XPA: variants seen among roughly 807,000 people sequenced by gnomAD.
XPA encodes DNA repair protein complementing XP-A cells.
A neutral mutation model predicts 35.7 loss-of-function variants in XPA; 27 were observed. The ratio of observed to expected loss-of-function variants is 0.76; its 90% confidence interval spans 0.56 to 1.04. The LOEUF (loss-of-function observed/expected upper bound fraction) is 1.04. Among genes scored for constraint, XPA ranks in the 50% least tolerant of loss-of-function variants. XPA has a pLI of 0.00. For synonymous variants in XPA, 133 were observed against 118.4 expected (o/e 1.12, Z -0.80); for missense variants, 354 against 342.7 (o/e 1.03, Z -0.26).
rs763295621 is a variant in XPA, at chr9:97,684,976, C to T, written c.620G>A (p.Arg207Gln). 2.2e-5 allele frequency: 35 copies of T among 1,613,292 alleles called. No homozygotes were observed. Among genetic ancestry groups the T allele is most frequent in the Non-Finnish European group, 2.7e-5 (32 of 1,179,684 alleles). Reference sequence around the variant, plus strand: ...TTTCATTTTTTCTCGGTTTTCCTGTCGGACTTCCTTTGCTTCTTCTAATGC... The same window carrying T: ...TTTCATTTTTTCTCGGTTTTCCTGTTGGACTTCCTTTGCTTCTTCTAATGC... Reference protein sequence around the residue: ...QEALEEAKEVRQENREKMKQK... With the variant: ...QEALEEAKEVQQENREKMKQK... Residue 207 changes from arginine to glutamine, a missense_variant, in exon 5 of 6, where the codon CGA becomes CAA. Physicochemically the swap from Arg to Gln is conservative, Grantham distance 43. Transcript: ENST00000375128.
chr9:97,669,624 T>G, the XPA span: 1 of 1,612,564 alleles, frequency 6.2e-7, no homozygotes, highest in Non-Finnish European at 8.5e-7. Context: ...GAGCACCTAG[T>G]ACGATGCGAA....
intron 5 of XPA, chr9:97,675,894 C>T (rs540229876): frequency 6.4e-5 from 25 of 388,696 alleles, no homozygotes; most frequent in African/African-American, 4.5e-4. Flanking sequence ...TTGAGTAACA[C>T]AATAGGACAC....
intron 4 of XPA, among the ~76,000 whole-genome samples, chr9:97,686,747 TA>T (rs1828728086): frequency 6.6e-6 from 1 of 151,778 alleles, no homozygotes. Context: ...GGCAATATGG[TA>T]AAACCCCATC....
At chr9:97,678,006 A>C (rs148156876) in intron 5 of XPA, among the ~76,000 whole-genome samples, 2 of 152,204 alleles carry the variant, frequency 1.3e-5, no homozygotes, top group African/African-American at 2.4e-5. Flanking sequence ...TTAAAACTGG[A>C]TGTATCAGTG....
At chr9:97,669,969 C>T, downstream of XPA, 1 of 480,804 alleles carries the variant, frequency 2.1e-6, no homozygotes, top group Non-Finnish European at 3.8e-6. Flanking sequence ...GTTGCCCAGG[C>T]TGGAGTTCAG....
chr9:97,685,070 TTG>T, intron 4 of XPA, 30 bp from the exon 5 acceptor site: 1 of 1,592,672 alleles, frequency 6.3e-7, no homozygotes, highest in East Asian at 2.2e-5. Context: ...TTTAAATAAG[TTG>T]TGATTCAGAC....
At chr9:97,664,289 ATGTG>A in the XPA span, 11 of 1,117,866 alleles carry the variant, frequency 9.8e-6, 1 homozygote, top group Middle Eastern at 1.0e-3. Flanking sequence ...GCACATATAT[ATGTG>A]TGTGTATGTG....
chr9:97,683,376 T>A (rs1828604617), intron 5 of XPA, among the ~76,000 whole-genome samples: 2 of 152,178 alleles, frequency 1.3e-5, no homozygotes. Context: ...ATCCTCTCAA[T>A]ACAGCAGTGG....
At chr9:97,689,012 A>AT (rs1828802864) in intron 3 of XPA, among the ~76,000 whole-genome samples, 1 of 152,196 alleles carries the variant, frequency 6.6e-6, no homozygotes, top group Non-Finnish European at 1.5e-5. Context: ...TCTGGGTGAT[A>AT]TAAAAAAAAA....
the XPA span, among the ~76,000 whole-genome samples, chr9:97,659,322 T>C: frequency 2.6e-5 from 4 of 152,316 alleles, no homozygotes; most frequent in East Asian, 7.7e-4. Flanking sequence ...TCTTTGCAGA[T>C]TACACTTAAC....
the XPA span, chr9:97,663,152 G>A: frequency 1.2e-6 from 1 of 848,526 alleles, no homozygotes; most frequent in Admixed American, 2.6e-5. Context: ...ATTTGACTCT[G>A]CCTAGATAAT....
At position 97,675,391 on chromosome 9, in the gene XPA, CTTTA is replaced by C; in HGVS notation, c.*44_*47del. 1 of 1,549,564 alleles carries C rather than the reference CTTTA, an allele frequency of 6.5e-7. No individual in the cohort carries two copies. Among genetic ancestry groups the C allele is most frequent in the Non-Finnish European group, 8.7e-7 (1 of 1,150,624 alleles). ...TTTGAAAAGGACCAATCTAAATTTC[CTTTA>C]TTTAAATATAAAATTCTATAAAACA... On this transcript the variant is annotated 3_prime_UTR_variant, in exon 6 of 6. Transcript: ENST00000375128.
At chr9:97,689,744 T>A in intron 2 of XPA, 105 bp from the exon 3 acceptor site, 1 of 623,926 alleles carries the variant, frequency 1.6e-6, no homozygotes, top group Admixed American at 3.2e-5. Context: ...CTGACATAAA[T>A]ACATTTAAGT....
the XPA span, among the ~76,000 whole-genome samples, chr9:97,662,421 G>T: frequency 6.6e-6 from 1 of 152,182 alleles, no homozygotes; most frequent in Non-Finnish European, 1.5e-5. Flanking sequence ...GTCATATGCA[G>T]TTGGAAGTTC....
At chr9:97,667,233 T>G in the XPA span, among the ~76,000 whole-genome samples, 1 of 152,192 alleles carries the variant, frequency 6.6e-6, no homozygotes, top group Non-Finnish European at 1.5e-5. Context: ...CTATAGATAC[T>G]TAACACTTTC....
chr9:97,675,809 C>G (rs1587736469), intron 5 of XPA: 2 of 590,846 alleles, frequency 3.4e-6, no homozygotes, highest in Admixed American at 2.9e-5. Context: ...GTCACTGGAG[C>G]AGTGTGAAAC....
chr9:97,680,490 TG>T (rs1271977259), intron 5 of XPA, among the ~76,000 whole-genome samples: 6 of 152,170 alleles, frequency 3.9e-5, no homozygotes, highest in Non-Finnish European at 8.8e-5. Flanking sequence ...ATTACAGAAG[TG>T]TTGGGATTAC....
chr9:97,668,863 C>T, the XPA span: 3 of 1,612,720 alleles, frequency 1.9e-6, no homozygotes, highest in Non-Finnish European at 2.5e-6. Context: ...ATGATGACGA[C>T]AGAAGCAGTG....
At chr9:97,660,574 G>T in the XPA span, among the ~76,000 whole-genome samples, 1 of 152,210 alleles carries the variant, frequency 6.6e-6, no homozygotes, top group Non-Finnish European at 1.5e-5. Flanking sequence ...TGAAAGAGAA[G>T]TACGTTGGTT....
Sources: gnomAD v4.1 joint callset for allele counts (sites outside exome capture counted in the v4.1 genomes callset) on GRCh38, gnomAD v4.1.1 for gene constraint, MANE v1.5 for transcripts, NCBI Gene and HGNC (gene_info 2026-07-23, HGNC 2026-07-21) for gene names.